The following FHL1 variants were observed in gnomAD, a reference collection of about 807,000 sequenced individuals.
FHL1 encodes the protein four and a half LIM domains protein 1.
In FHL1, 1 loss-of-function variant was observed where a neutral mutation model predicts 20.3. The ratio of observed to expected loss-of-function variants is 0.05; its 90% CI spans 0.02 to 0.23. The LOEUF (loss-of-function observed/expected upper bound fraction) is 0.23. Ranked by LOEUF, FHL1 falls within the 10% of genes least tolerant of loss-of-function variation. FHL1 has a pLI of 1.00. For missense variants in FHL1, 177 were observed against 234.0 expected (o/e 0.76, Z 1.59); for synonymous variants, 82 against 88.9 (o/e 0.92, Z 0.44).
chrX:136,174,208 A>G (rs1028287256), intron 2 of FHL1, among the ~76,000 whole-genome samples: 1 of 111,845 alleles, frequency 8.9e-6, no homozygotes, highest in African/African-American at 3.3e-5. Flanking sequence ...CAGCTTGCTA[A>G]TTTTCAGGGG....
intron 2 of FHL1, chrX:136,182,908 C>G (rs903449499): frequency 9.0e-6 from 1 of 111,106 alleles, no homozygotes; most frequent in African/African-American, 3.3e-5. Flanking sequence ...AGCAGCCTAG[C>G]CAACATGGCG....
upstream of FHL1, among the ~76,000 whole-genome samples, chrX:136,165,535 C>T (rs2072688805): frequency 8.9e-6 from 1 of 112,128 alleles, no homozygotes; most frequent in Non-Finnish European, 1.9e-5. Flanking sequence ...GTTTGGAATT[C>T]ACTGTTCTTT....
intron 1 of FHL1, among the ~76,000 whole-genome samples, chrX:136,162,354 A>G (rs1255626680): frequency 9.0e-6 from 1 of 111,048 alleles, no homozygotes; most frequent in African/African-American, 3.3e-5. Context: ...TAAAAAGGCA[A>G]ATGAACGAGA....
chrX:136,198,969 A>G (rs755214662), intron 1 of FHL1, among the ~76,000 whole-genome samples: 60 of 111,583 alleles, frequency 5.4e-4, no homozygotes, highest in Non-Finnish European at 9.2e-4. Context: ...AAGTAATCCA[A>G]CTGGATTGGC....
intron 1 of FHL1, among the ~76,000 whole-genome samples, chrX:136,164,033 TAAAAC>T (rs764496038): frequency 1.3e-4 from 15 of 111,892 alleles, no homozygotes; most frequent in Non-Finnish European, 2.1e-4. Flanking sequence ...TTCATATTTT[TAAAAC>T]AAAACAAAAA....
chrX:136,158,535 A>T lies in FHL1; in HGVS notation c.-101+10907A>T, dbSNP rs911693696. Among the ~76,000 whole-genome samples, 6 of 109,801 alleles carry T rather than the reference A, an allele frequency of 5.5e-5. No homozygotes were observed. In the South Asian group the frequency reaches 1.5e-3, roughly 28 times the overall value. On this transcript the variant is annotated intron_variant, in intron 1 of 7. Coordinates refer to the FHL1 transcript ENST00000394155. Reference sequence around the variant, plus strand: ...ATGCCACTTCTCTTGCACTGCTCTGATTTCTCATGAGAAAGCCATTTTTAT... The same window carrying T: ...ATGCCACTTCTCTTGCACTGCTCTGTTTTCTCATGAGAAAGCCATTTTTAT...
intron 1 of FHL1, among the ~76,000 whole-genome samples, chrX:136,160,010 C>A (rs753863709): frequency 8.9e-6 from 1 of 112,438 alleles, no homozygotes; most frequent in African/African-American, 3.2e-5. Flanking sequence ...TGCACTTACT[C>A]AGTATGGCCA....
chrX:136,197,844 C>T (rs999247067), intron 1 of FHL1, among the ~76,000 whole-genome samples: 8 of 111,934 alleles, frequency 7.1e-5, no homozygotes, highest in African/African-American at 2.6e-4. Context: ...GTGGCTGTGG[C>T]CCTGTGGCCC....
chrX:136,162,170 A>C (rs1277488800), intron 1 of FHL1, among the ~76,000 whole-genome samples: 1 of 108,481 alleles, frequency 9.2e-6, no homozygotes, highest in African/African-American at 3.4e-5. Flanking sequence ...CAAGCAAAGA[A>C]CGCCCATTCT....
At chrX:136,206,989 G>A (rs1193282926) in intron 2 of FHL1, 27 bp from the exon 3 acceptor site, 1 of 1,209,279 alleles carries the variant, frequency 8.3e-7, no homozygotes, top group Non-Finnish European at 1.1e-6. Flanking sequence ...CCCTCATGGT[G>A]GCCCACCCTG....
rs1355490388 is a variant in FHL1 at position 136,210,643 on chromosome X, C to T, written c.*618C>T. On this transcript the variant is annotated 3_prime_UTR_variant, in exon 6 of 6. Transcript: ENST00000370683. ...TTTCCCCGTACTAACGTTTGGTTTC[C>T]CCGTGTGGCATGTTTTCTGAGCGTT... is the stretch of plus-strand genomic sequence containing the variant. 2 of 388,249 alleles carry T rather than the reference C, an allele frequency of 5.2e-6. No individual in the cohort carries two copies. Among genetic ancestry groups the T allele is most frequent in the African/African-American group, 4.9e-5 (2 of 40,636 alleles). The allele number at this position is 388,249 out of a possible 1,213,427, so 32.0% of individuals were successfully genotyped here. A position where few individuals can be genotyped will look rare whatever the true frequency, so the allele number is the denominator to read the frequency against.
intron 1 of FHL1, chrX:136,147,646 C>T (rs1316338489): frequency 2.8e-5 from 3 of 107,815 alleles, no homozygotes; most frequent in African/African-American, 6.8e-5. Context: ...CGCTTTCTTT[C>T]CGCTTGTGCG....
At chrX:136,209,534 C>CT (rs1388413127) in intron 5 of FHL1, 1 of 950,412 alleles carries the variant, frequency 1.1e-6, no homozygotes, top group Non-Finnish European at 1.5e-6. Context: ...ACTGGTTATG[C>CT]TGGGAGGTCG....
At chrX:136,174,190 C>T (rs1181685047) in intron 2 of FHL1, among the ~76,000 whole-genome samples, 1 of 111,703 alleles carries the variant, frequency 9.0e-6, no homozygotes, top group Non-Finnish European at 1.9e-5. Context: ...TCCTTTTTCT[C>T]AAGATATCAG....
chrX:136,196,801 G>T, upstream of FHL1: 1 of 1,166,352 alleles, frequency 8.6e-7, no homozygotes. Flanking sequence ...TCCGGTACAG[G>T]GATGACTTTC....
At chrX:136,198,913 C>G (rs761793941) in intron 1 of FHL1, among the ~76,000 whole-genome samples, 62 of 111,471 alleles carry the variant, frequency 5.6e-4, no homozygotes, top group African/African-American at 1.9e-3. Context: ...GCCCGCCAGT[C>G]TTTTCTCAGG....
intron 1 of FHL1, among the ~76,000 whole-genome samples, chrX:136,200,988 ACT>A (rs1649435733): frequency 1.8e-5 from 2 of 110,528 alleles, no homozygotes; most frequent in South Asian, 7.7e-4. Flanking sequence ...ACATGCTGAA[ACT>A]CTGTCTCTAC....
At chrX:136,209,011 C>T (rs767173004) in intron 5 of FHL1, among the ~76,000 whole-genome samples, 23 of 108,674 alleles carry the variant, frequency 2.1e-4, no homozygotes, top group African/African-American at 6.0e-4. Flanking sequence ...AGTGATAACC[C>T]GGGATTGTAA....
Position 136,210,798 on chromosome X carries a change from CT to C in FHL1, c.*778del. On this transcript the variant is annotated 3_prime_UTR_variant, in exon 6 of 6. Transcript: ENST00000370683. Reference sequence around the variant, plus strand: ...GCTTAACAAAACTAACCCTGCTGTCCTTTTTATTGTTTTTAATTAATATTTT... The same window carrying C: ...GCTTAACAAAACTAACCCTGCTGTCCTTTTATTGTTTTTAATTAATATTTT... The C allele has an allele frequency of 2.6e-6, 1 of 385,696 alleles. No individual in the cohort carries two copies. Among genetic ancestry groups the C allele is most frequent in the Non-Finnish European group, 4.9e-6 (1 of 204,674 alleles). 31.8% of individuals were successfully genotyped at this position (385,696 alleles called of 1,213,427 possible). A position where few individuals can be genotyped will look rare whatever the true frequency, so the allele number is the denominator to read the frequency against.
Sources: gnomAD v4.1 joint callset for allele counts (sites outside exome capture counted in the v4.1 genomes callset) on GRCh38, gnomAD v4.1.1 for gene constraint, MANE v1.5 for transcripts, NCBI Gene and HGNC (gene_info 2026-07-23, HGNC 2026-07-21) for gene names.